NAAA: variants seen among roughly 807,000 people sequenced by gnomAD.
NAAA encodes N-acylethanolamine-hydrolyzing acid amidase.
Under a neutral mutation model 44.8 loss-of-function variants are expected in NAAA, and 39 were observed. That is an observed-to-expected ratio of 0.87 (90% confidence interval 0.67 to 1.14). The LOEUF (loss-of-function observed/expected upper bound fraction) is 1.14, where lower values mean the gene tolerates loss of function less well. NAAA is among the 50% of genes most tolerant of loss of function. The pLI is 0.00. For missense variants in NAAA, 460 were observed against 467.8 expected (o/e 0.98, Z 0.15); for synonymous variants, 178 against 191.3 (o/e 0.93, Z 0.58).
Position 75,940,334 on chromosome 4 carries a change from G to T in NAAA, c.207-169C>A, listed in dbSNP as rs927935957. 38 of 653,538 alleles carry T rather than the reference G, an allele frequency of 5.8e-5. 1 individual carries two copies. In the Admixed American group the frequency reaches 8.9e-4, roughly 15 times the overall value. 40.5% of individuals were successfully genotyped at this position (653,538 alleles called of 1,614,324 possible). A position where few individuals can be genotyped will look rare whatever the true frequency, so the allele number is the denominator to read the frequency against. ...CGTCACTCAATCTGCAGCCTCCCGG[G>T]AGTGGGGGGAAGGGGGCGGGGGGAA... On this transcript the variant is annotated intron_variant, in intron 1 of 10. Coordinates refer to ENST00000286733, the MANE Select transcript of NAAA (RefSeq NM_014435.4).
Position 75,940,163 on chromosome 4 carries a change from T to C in NAAA, c.209A>G (p.Asp70Gly), listed in dbSNP as rs201864537. 223 of 1,612,670 alleles carry C rather than the reference T, an allele frequency of 1.4e-4. 1 individual carries two copies. In the African/African-American group the frequency reaches 2.7e-3, roughly 19 times the overall value. Residue 70 changes from aspartate to glycine, a missense_variant and splice_region_variant, in exon 2 of 11, where the codon GAC becomes GGC. By Grantham distance (94) the Asp-to-Gly change is moderately conservative. Transcript: ENST00000286733. The stretch of plus-strand genomic sequence containing the variant: ...CACGTGCACCCACTTGGGGACTCTG[T>C]CCCTAGAAACAAAAAGCACAAGGGC... ...VRAAMAQVIG[D>G]RVPKWVHVLI...
intron 5 of NAAA, among the ~76,000 whole-genome samples, chr4:75,924,349 G>A (rs925593933): frequency 6.6e-6 from 1 of 152,208 alleles, no homozygotes; most frequent in Admixed American, 6.5e-5. Flanking sequence ...GCACTGAGAT[G>A]CGTAACAGTC....
chr4:75,926,646 T>C (rs1398802667), intron 4 of NAAA, among the ~76,000 whole-genome samples: 2 of 151,392 alleles, frequency 1.3e-5, no homozygotes, highest in Non-Finnish European at 2.9e-5. Context: ...AATAAGAGAT[T>C]AATATCCAGA....
At chr4:75,918,603 T>C (rs1398903966) in intron 9 of NAAA, among the ~76,000 whole-genome samples, 158 bp downstream of exon 9, 5 of 152,088 alleles carry the variant, frequency 3.3e-5, no homozygotes, top group African/African-American at 1.2e-4. Context: ...GCAGAGACTT[T>C]GTTTTGCTCG....
intron 4 of NAAA, among the ~76,000 whole-genome samples, chr4:75,929,637 T>C (rs1263865802): frequency 6.6e-6 from 1 of 152,148 alleles, no homozygotes; most frequent in Non-Finnish European, 1.5e-5. Flanking sequence ...TGTCATGCTG[T>C]GGTTTGGGTA....
At chr4:75,928,798 T>C (rs1317442278) in intron 4 of NAAA, among the ~76,000 whole-genome samples, 1 of 151,786 alleles carries the variant, frequency 6.6e-6, no homozygotes, top group Non-Finnish European at 1.5e-5. Flanking sequence ...TTTTTTTTCT[T>C]TTTTTTTGAG....
intron 2 of NAAA, among the ~76,000 whole-genome samples, chr4:75,937,047 T>G (rs540953068): frequency 1.7e-4 from 26 of 152,340 alleles, no homozygotes; most frequent in Non-Finnish European, 3.4e-4. Flanking sequence ...CTACATTTAC[T>G]GATTTTCTAC....
In NAAA at chr4:75,914,176, T is replaced by G. The variant is rs1465908912; in HGVS notation, c.*199A>C. 1 of 985,698 alleles carries G rather than the reference T, an allele frequency of 1.0e-6. No individual in the cohort carries two copies. Among genetic ancestry groups the G allele is most frequent in the Non-Finnish European group, 1.2e-6 (1 of 829,958 alleles). The allele number at this position is 985,698 out of a possible 1,614,324, so 61.1% of individuals were successfully genotyped here. On this transcript the variant is annotated 3_prime_UTR_variant, in exon 11 of 11. Transcript: ENST00000286733. ...GAAGGGAATGCAGGACAATGCCCAT[T>G]ACTGGCTTTACCACAAACTCCAAAT...
intron 4 of NAAA, among the ~76,000 whole-genome samples, chr4:75,929,126 C>T (rs1201239819): frequency 6.6e-6 from 1 of 152,082 alleles, no homozygotes; most frequent in Non-Finnish European, 1.5e-5. Context: ...ACTGAAGCAC[C>T]GACAGGTTAA....
At position 75,914,936 on chromosome 4, in the gene NAAA, T is replaced by C. The variant is rs751902468; in HGVS notation, c.1048A>G (p.Met350Val). The C allele has an allele frequency of 1.9e-6, 3 of 1,614,114 alleles. No homozygotes were observed. Among genetic ancestry groups the C allele is most frequent in the Non-Finnish European group, 2.5e-6 (3 of 1,179,984 alleles). ...CTACTCGGGTTTCTGATCCTAGTCA[T>C]GTACTTGTCTGGGCTACCGGCGCTC... is the stretch of plus-strand genomic sequence containing the variant. ...VMSAGSPDKYMTRIRNPSRK is the reference protein window; with the variant it reads ...VMSAGSPDKYVTRIRNPSRK Residue 350 changes from methionine to valine, a missense_variant, in exon 10 of 11, where the codon ATG (methionine) becomes GTG (valine). By Grantham distance (21) the Met-to-Val change is conservative (BLOSUM62 1). Coordinates refer to ENST00000286733, the MANE Select transcript of NAAA (RefSeq NM_014435.4).
chr4:75,934,052 G>GTAATAA (rs66466020), intron 3 of NAAA, among the ~76,000 whole-genome samples: 1 of 142,028 alleles, frequency 7.0e-6, no homozygotes, highest in South Asian at 2.3e-4. Context: ...AATAGTAGTA[G>GTAATAA]TAATAATAAT....
intron 2 of NAAA, among the ~76,000 whole-genome samples, chr4:75,938,842 C>A (rs1266356391): frequency 6.6e-6 from 1 of 152,142 alleles, no homozygotes; most frequent in Admixed American, 6.6e-5. Flanking sequence ...GTTGCTTTCA[C>A]TTCTGGGTGC....
intron 2 of NAAA, among the ~76,000 whole-genome samples, chr4:75,937,923 C>T (rs1727877667): frequency 1.3e-5 from 2 of 152,308 alleles, no homozygotes; most frequent in South Asian, 2.1e-4. Context: ...GATAACAATA[C>T]TTCCATCTCA....
intron 7 of NAAA, 101 bp downstream of exon 7, chr4:75,920,637 G>A (rs1726060154): frequency 2.1e-6 from 3 of 1,417,166 alleles, no homozygotes; most frequent in South Asian, 1.2e-5. Context: ...TTTTCTGGGA[G>A]AGGATAGCAC....
intron 9 of NAAA, among the ~76,000 whole-genome samples, chr4:75,916,823 T>C (rs1035723851): frequency 3.7e-5 from 5 of 136,954 alleles, no homozygotes; most frequent in African/African-American, 8.1e-5. Context: ...AGTCTCCCTC[T>C]GTCGCCCAGG....
At chr4:75,937,248 A>G (rs12374370) in intron 2 of NAAA, among the ~76,000 whole-genome samples, 31,270 of 151,966 alleles carry the variant, frequency 0.21, 3,654 homozygotes, top group East Asian at 0.36. Context: ...GTGAAACCTC[A>G]TCTCTACTAA....
At chr4:75,917,487 C>CA (rs111626651) in intron 9 of NAAA, 12,742 of 150,750 alleles carry the variant, frequency 0.085, 924 homozygotes, top group African/African-American at 0.2. Context: ...TTTTTTGAAA[C>CA]AGAGTCTCGC....
At chr4:75,917,118 T>A in intron 9 of NAAA, 1 of 957,484 alleles carries the variant, frequency 1.0e-6, no homozygotes, top group Non-Finnish European at 1.2e-6. Flanking sequence ...AAAAAAACTA[T>A]AAGAACACAA....
downstream of NAAA, chr4:75,911,400 G>A (rs765829904): frequency 2.1e-5 from 10 of 475,020 alleles, no homozygotes; most frequent in South Asian, 1.5e-4. Flanking sequence ...TTGCAGTAGA[G>A]AAAGAGTTCA....
Sources: allele counts gnomAD v4.1 joint callset (sites outside exome capture counted in the v4.1 genomes callset), GRCh38; gene constraint gnomAD v4.1.1; transcripts MANE v1.5; gene names NCBI Gene and HGNC (gene_info 2026-07-23, HGNC 2026-07-21).